The following TENM3 variants were observed in gnomAD, a reference collection of about 807,000 sequenced individuals.
TENM3 encodes the protein teneurin-3.
A neutral mutation model predicts 255.1 loss-of-function variants in TENM3; 63 were observed. That is an observed-to-expected ratio of 0.25 (90% CI 0.20 to 0.30). TENM3 has a LOEUF of 0.30. Among genes scored for constraint, TENM3 ranks in the 10% least tolerant of loss-of-function variants. The probability of loss-of-function intolerance (pLI) is 1.00; values close to 1 mark genes in which losing one functional copy is unlikely to be tolerated. For missense variants in TENM3, 2,929 were observed against 3,461.1 expected, an observed-to-expected ratio of 0.85 and a Z score of 3.86; for synonymous variants, 1,306 against 1,322.3, an observed-to-expected ratio of 0.99 and a Z score of 0.27.
the TENM3 span, among the ~76,000 whole-genome samples, chr4:181,486,783 A>G: frequency 1.3e-5 from 2 of 152,190 alleles, no homozygotes; most frequent in East Asian, 1.9e-4. Flanking sequence ...GATTACATCC[A>G]GATAATAAAC....
chr4:181,689,599 C>A, the TENM3 span, among the ~76,000 whole-genome samples: 1 of 152,142 alleles, frequency 6.6e-6, no homozygotes, highest in Admixed American at 6.5e-5. Context: ...CATGGATAAT[C>A]TGATTTTCGG....
Position 182,619,561 on chromosome 4 carries a change from G to C in TENM3, c.750-9090G>C, listed in dbSNP as rs998464375. Among the ~76,000 whole-genome samples, 29 of 152,174 alleles carry C rather than the reference G, an allele frequency of 1.9e-4. 1 individual carries two copies. The highest frequency in any genetic ancestry group is 1.5e-3 in the Admixed American group (23 of 15,284). On this transcript the variant is annotated intron_variant, in intron 4 of 27. Transcript: ENST00000511685. The stretch of plus-strand genomic sequence containing the variant: ...AGAGCAACTATTAATTGTGCTTAAC[G>C]TAGAGTCATCCTTCCTATATATGTT...
the TENM3 span, among the ~76,000 whole-genome samples, chr4:181,953,226 A>G: frequency 6.6e-6 from 1 of 151,736 alleles, no homozygotes; most frequent in South Asian, 2.1e-4. Context: ...TGCTCTTATT[A>G]TTATGTGCGA....
intron 3 of TENM3, among the ~76,000 whole-genome samples, chr4:182,415,037 T>G (rs1266755664): frequency 6.6e-6 from 1 of 152,248 alleles, no homozygotes; most frequent in African/African-American, 2.4e-5. Flanking sequence ...TTTTCCACCT[T>G]GAACACTAAT....
At chr4:182,103,712 G>C in the TENM3 span, among the ~76,000 whole-genome samples, 42 of 152,128 alleles carry the variant, frequency 2.8e-4, 1 homozygote, top group African/African-American at 1.0e-3. Context: ...TGACATCAAA[G>C]CTTTACTGCT....
rs145791266 is a variant in TENM3, at chr4:182,266,277, G to A, written c.-76+22801G>A. Among the ~76,000 whole-genome samples, 299 of 152,334 alleles carry A rather than the reference G, an allele frequency of 2.0e-3. 4 individuals carry two copies. The Middle Eastern group carries it at 0.02, about 10-fold the overall frequency. ...GCAAGGTATGTAAAGAAAGTAAAATGTGTTTTTGGTAGAAGATTGTAAGAA... is the reference window on the plus strand; with the variant it reads ...GCAAGGTATGTAAAGAAAGTAAAATATGTTTTTGGTAGAAGATTGTAAGAA... On this transcript the variant is annotated intron_variant, in intron 1 of 27. Coordinates refer to ENST00000511685, the MANE Select transcript of TENM3 (RefSeq NM_001080477.4).
At chr4:181,691,463 A>G in the TENM3 span, among the ~76,000 whole-genome samples, 146 of 152,240 alleles carry the variant, frequency 9.6e-4, no homozygotes, top group South Asian at 4.3e-3. Flanking sequence ...AAAGTGAATG[A>G]CATCTTATAA....
At chr4:181,992,945 C>T in the TENM3 span, among the ~76,000 whole-genome samples, 6 of 152,046 alleles carry the variant, frequency 3.9e-5, no homozygotes, top group African/African-American at 1.4e-4. Flanking sequence ...TCATTAAAGT[C>T]TATAAATTAG....
chr4:182,282,508 G>T (rs1400556817), intron 1 of TENM3, among the ~76,000 whole-genome samples: 1 of 152,198 alleles, frequency 6.6e-6, no homozygotes, highest in Non-Finnish European at 1.5e-5. Flanking sequence ...TCATCGGTAA[G>T]TGAAAGTAAG....
the TENM3 span, among the ~76,000 whole-genome samples, chr4:182,002,846 C>G: frequency 6.6e-6 from 1 of 152,112 alleles, no homozygotes; most frequent in Non-Finnish European, 1.5e-5. Flanking sequence ...TCATATTTTT[C>G]CCTTAAGCAA....
At chr4:181,538,824 A>G in the TENM3 span, among the ~76,000 whole-genome samples, 2 of 152,130 alleles carry the variant, frequency 1.3e-5, no homozygotes, top group African/African-American at 4.8e-5. Context: ...TTGATTCTTG[A>G]CCTTGAATAA....
chr4:182,262,118 G>T (rs1174582153), intron 1 of TENM3, among the ~76,000 whole-genome samples: 2 of 152,186 alleles, frequency 1.3e-5, no homozygotes, highest in Non-Finnish European at 1.5e-5. Context: ...AAATAAGGAA[G>T]AACTGCATTT....
chr4:181,765,657 G>A, the TENM3 span, among the ~76,000 whole-genome samples: 1 of 151,968 alleles, frequency 6.6e-6, no homozygotes, highest in Admixed American at 6.6e-5. Flanking sequence ...GCTTCCCTTC[G>A]GTCATCAATG....
intron 2 of TENM3, among the ~76,000 whole-genome samples, chr4:182,336,085 C>A (rs916307996): frequency 5.9e-5 from 9 of 152,090 alleles, no homozygotes; most frequent in African/African-American, 2.2e-4. Flanking sequence ...TCAATGGAAG[C>A]GGCTACTGTA....
chr4:181,470,108 T>TAAAAAAAAAAAAAAAAAA, the TENM3 span, among the ~76,000 whole-genome samples: 44 of 112,722 alleles, frequency 3.9e-4, 1 homozygote, highest in African/African-American at 1.4e-3. Flanking sequence ...ATAGCTTCTG[T>TAAAAAAAAAAAAAAAAAA]AAAAAAAAAA....
At chr4:182,770,398 T>C (rs980076611) in intron 22 of TENM3, among the ~76,000 whole-genome samples, 3 of 152,144 alleles carry the variant, frequency 2.0e-5, no homozygotes, top group African/African-American at 7.2e-5. Context: ...CCTTCCAGTA[T>C]GACTCTGTGC....
At chr4:182,776,181 G>C (rs1401583767) in intron 24 of TENM3, among the ~76,000 whole-genome samples, 1 of 152,204 alleles carries the variant, frequency 6.6e-6, no homozygotes. Context: ...GGGAGGCCAA[G>C]GTAGGCGGAC....
intron 3 of TENM3, among the ~76,000 whole-genome samples, chr4:182,439,290 T>C (rs747625583): frequency 6.6e-6 from 1 of 152,218 alleles, no homozygotes; most frequent in Non-Finnish European, 1.5e-5. Flanking sequence ...AACTCTCTTC[T>C]CCTATATTAC....
rs376332887 is a variant in TENM3 at position 182,324,084 on chromosome 4, C to A, written c.64C>A (p.Arg22Ser). The A allele has an allele frequency of 7.9e-5, 128 of 1,613,860 alleles. No individual in the cohort carries two copies. The highest frequency in any genetic ancestry group is 1.1e-4 in the Non-Finnish European group (124 of 1,179,896). The stretch of plus-strand genomic sequence containing the variant: ...CAAGAGCAGACGAGAGAAGGAACGG[C>A]GCTACACAAATTCCTCCGCAGACAA... ...LTKSRREKER[R>S]YTNSSADNEE... The change falls in exon 2 of 28, where the codon CGC becomes AGC. Residue 22 changes from arginine (R) to serine (S), a missense_variant. Physicochemically the swap from Arg to Ser is moderately radical, Grantham distance 110 (BLOSUM62 -1). Around this residue, in one of 6 missense-constraint regions of TENM3, gnomAD observed 283 missense variants for 256.9 expected, o/e 1.10. Coordinates refer to ENST00000511685, the MANE Select transcript of TENM3 (RefSeq NM_001080477.4).
Sources: gnomAD v4.1 joint callset for allele counts (sites outside exome capture counted in the v4.1 genomes callset) on GRCh38, gnomAD v4.1.1 for gene constraint, gnomAD v4.1.1 regional missense constraint, MANE v1.5 for transcripts, NCBI Gene and HGNC (gene_info 2026-07-23, HGNC 2026-07-21) for gene names.